The following WHAMM variants were observed in gnomAD, a reference collection of about 807,000 sequenced individuals.
WHAMM encodes WASP homolog associated with actin, golgi membranes and microtubules.
Under a neutral mutation model 76.5 loss-of-function variants are expected in WHAMM, and 67 were observed. That is an observed-to-expected ratio of 0.88 (90% CI 0.72 to 1.07). WHAMM has a LOEUF of 1.07. Among genes scored for constraint, WHAMM ranks in the 50% least tolerant of loss-of-function variants. The pLI is 0.00. For missense variants in WHAMM, 1,021 were observed against 1,051.1 expected (o/e 0.97, Z 0.40); for synonymous variants, 419 against 422.1 (o/e 0.99, Z 0.09).
At chr15:82,832,428 C>T (rs1360629967) in intron 9 of WHAMM, among the ~76,000 whole-genome samples, 1 of 152,172 alleles carries the variant, frequency 6.6e-6, no homozygotes, top group South Asian at 2.1e-4. Context: ...TTAGTGGCCA[C>T]AGTCAGGCCT....
chr15:82,820,568 A>G (rs2050802746), intron 5 of WHAMM, among the ~76,000 whole-genome samples: 1 of 152,162 alleles, frequency 6.6e-6, no homozygotes, highest in Non-Finnish European at 1.5e-5. Context: ...TTCATGCTAC[A>G]TAATGACCCT....
intron 2 of WHAMM, among the ~76,000 whole-genome samples, chr15:82,814,208 AC>A (rs2050680869): frequency 6.6e-6 from 1 of 152,170 alleles, no homozygotes; most frequent in South Asian, 2.1e-4. Flanking sequence ...GAGGAGTTAA[AC>A]AGCTTGCCTT....
intron 2 of WHAMM, among the ~76,000 whole-genome samples, chr15:82,815,149 AT>A (rs1414051793): frequency 0.24 from 11,005 of 46,028 alleles, 1,164 homozygotes; most frequent in African/African-American, 0.3. Flanking sequence ...ATATATATAT[AT>A]ATATAGTACA....
chr15:82,831,389 G>A (rs926210518), intron 9 of WHAMM, among the ~76,000 whole-genome samples: 2 of 152,172 alleles, frequency 1.3e-5, no homozygotes, highest in Middle Eastern at 3.2e-3. Flanking sequence ...TAAGACTTCA[G>A]TATGTATTTG....
At chr15:82,813,998 C>G (rs1461892318) in intron 2 of WHAMM, among the ~76,000 whole-genome samples, 10 of 152,000 alleles carry the variant, frequency 6.6e-5, no homozygotes, top group Admixed American at 6.6e-4. Flanking sequence ...TTTGCTTCAG[C>G]TTGTTTTCCT....
rs530836160 is a variant in WHAMM at position 82,820,968 on chromosome 15, G to T, written c.1270+1480G>T. Among the ~76,000 whole-genome samples the T allele has an allele frequency of 1.6e-3, 246 of 150,598 alleles. 1 individual carries two copies. Among genetic ancestry groups the T allele is most frequent in the African/African-American group, 5.8e-3 (239 of 40,916 alleles). ...AGAATATGAGTGTGTATGTTTCCCA[G>T]ACTCATGCCATTCTTTTGCATTTTT... On this transcript the variant is annotated intron_variant, in intron 5 of 9. Coordinates refer to ENST00000286760, the MANE Select transcript of WHAMM (RefSeq NM_001080435.3).
At chr15:82,823,848 G>C (rs1281271526) in intron 6 of WHAMM, among the ~76,000 whole-genome samples, 1 of 152,048 alleles carries the variant, frequency 6.6e-6, no homozygotes, top group East Asian at 1.9e-4. Flanking sequence ...TTACAGGTGT[G>C]AGCCACCACC....
In WHAMM at chr15:82,826,252, T is replaced by C. The variant is rs146355326; in HGVS notation, c.1459-158T>C. 29 of 647,108 alleles carry C rather than the reference T, an allele frequency of 4.5e-5. No homozygotes were observed. In the African/African-American group the frequency reaches 5.1e-4, roughly 11 times the overall value. 40.1% of individuals were successfully genotyped at this position (647,108 alleles called of 1,614,324 possible). On this transcript the variant is annotated intron_variant, in intron 6 of 9. Coordinates refer to ENST00000286760, the MANE Select transcript of WHAMM (RefSeq NM_001080435.3). ...ATAAGCAGCCAGGCAACCCTCATCATAGACTGCGGAGGAGACAGTACCATT... is the reference window on the plus strand; with the variant it reads ...ATAAGCAGCCAGGCAACCCTCATCACAGACTGCGGAGGAGACAGTACCATT...
At chr15:82,816,184 C>G (rs1184209198) in intron 2 of WHAMM, among the ~76,000 whole-genome samples, 2 of 152,182 alleles carry the variant, frequency 1.3e-5, no homozygotes, top group Non-Finnish European at 2.9e-5. Context: ...TATGATCACA[C>G]TGGGGATTTA....
In WHAMM at chr15:82,835,468, C is replaced by T. The variant is rs909204143; in HGVS notation, c.*1932C>T. ...TGGTACACAGCAGCCTGAGGGGCCT[C>T]AGTTGGCACAGCTGGGAGGGGCGTG... On this transcript the variant is annotated 3_prime_UTR_variant, in exon 10 of 10. Transcript: ENST00000286760. 2.0e-5 allele frequency: 3 copies of T among 152,348 alleles called. No individual in the cohort carries two copies. The highest frequency in any genetic ancestry group is 4.4e-5 in the Non-Finnish European group (3 of 68,134). 9.4% of individuals were successfully genotyped at this position (152,348 alleles called of 1,614,324 possible).
chr15:82,810,579 C>G (rs545472438), intron 1 of WHAMM: 2 of 985,442 alleles, frequency 2.0e-6, no homozygotes, highest in South Asian at 4.7e-5. Flanking sequence ...CAGCTGGGAG[C>G]TGGGCTAGGC....
chr15:82,816,852 T>A lies in WHAMM; in HGVS notation c.934+10T>A, dbSNP rs753483909. Reference sequence around the variant, plus strand: ...GTAAAAGCATTAGCAGGTGATAATTTAAAAAATGCTATATGAAGATACATG... The same window carrying A: ...GTAAAAGCATTAGCAGGTGATAATTAAAAAAATGCTATATGAAGATACATG... On this transcript the variant is annotated intron_variant, in intron 3 of 9. Transcript: ENST00000286760. The A allele has an allele frequency of 1.3e-6, 2 of 1,548,872 alleles. No homozygotes were observed. The highest frequency in any genetic ancestry group is 2.4e-5 in the South Asian group (2 of 82,720).
chr15:82,814,871 G>A (rs1033678424), intron 2 of WHAMM, among the ~76,000 whole-genome samples: 2 of 143,302 alleles, frequency 1.4e-5, no homozygotes, highest in Admixed American at 7.3e-5. Context: ...CTGGGTTCAC[G>A]CCATTCTCCT....
intron 8 of WHAMM, among the ~76,000 whole-genome samples, chr15:82,830,398 C>G (rs1434290496): frequency 6.6e-6 from 1 of 151,984 alleles, no homozygotes; most frequent in African/African-American, 2.4e-5. Flanking sequence ...AATACTTGAT[C>G]AAAGGATATA....
chr15:82,819,074 C>T (rs1354475348), intron 4 of WHAMM, among the ~76,000 whole-genome samples: 1 of 152,144 alleles, frequency 6.6e-6, no homozygotes, highest in Non-Finnish European at 1.5e-5. Context: ...TTTGGGGGGA[C>T]ACCAATATGC....
At chr15:82,828,952 C>T (rs1431949794) in intron 8 of WHAMM, among the ~76,000 whole-genome samples, 1 of 152,104 alleles carries the variant, frequency 6.6e-6, no homozygotes, top group Non-Finnish European at 1.5e-5. Flanking sequence ...CGGCCATACA[C>T]AGAATAAGGG....
chr15:82,832,875 A>G (rs1316786267), intron 9 of WHAMM, among the ~76,000 whole-genome samples: 2 of 152,210 alleles, frequency 1.3e-5, no homozygotes, highest in East Asian at 1.9e-4. Context: ...ACAGTGGGTG[A>G]GACTATTCCA....
intron 8 of WHAMM, among the ~76,000 whole-genome samples, chr15:82,828,736 A>G (rs35788008): frequency 0.31 from 46,630 of 149,128 alleles, 7,267 homozygotes; most frequent in Middle Eastern, 0.36. Context: ...CAATTAGTTA[A>G]ACGCTAACAA....
chr15:82,819,570 A>T (rs1359752170), intron 5 of WHAMM, 82 bp downstream of exon 5: 6 of 746,054 alleles, frequency 8.0e-6, no homozygotes, highest in Non-Finnish European at 1.2e-5. Context: ...ACTTTTTGTA[A>T]ATTATAACAT....
Sources: allele counts gnomAD v4.1 joint callset (sites outside exome capture counted in the v4.1 genomes callset), GRCh38; gene constraint gnomAD v4.1.1; transcripts MANE v1.5; gene names NCBI Gene and HGNC (gene_info 2026-07-23, HGNC 2026-07-21).